Variants in MIPOL1 observed in about 807,000 individuals in gnomAD.
MIPOL1 encodes the protein mirror-image polydactyly gene 1 protein.
MIPOL1 carries 57 observed loss-of-function variants against 60.9 expected under a neutral mutation model. The ratio of observed to expected loss-of-function variants is 0.94; its 90% CI spans 0.76 to 1.17. The LOEUF (loss-of-function observed/expected upper bound fraction) is 1.17, where lower values mean the gene tolerates loss of function less well. Ranked by LOEUF, MIPOL1 falls within the 50% of genes most tolerant of loss-of-function variation. The pLI is 0.00. For synonymous variants in MIPOL1, 179 were observed against 168.8 expected (o/e 1.06, Z -0.47); for missense variants, 551 against 511.6 (o/e 1.08, Z -0.74).
At chr14:37,256,099 G>C (rs964153717) in intron 3 of MIPOL1, among the ~76,000 whole-genome samples, 7 of 151,796 alleles carry the variant, frequency 4.6e-5, no homozygotes, top group Non-Finnish European at 7.4e-5. Flanking sequence ...AACAAACAAT[G>C]TTCATTGATG....
At chr14:37,338,842 G>A (rs1487845361) in intron 9 of MIPOL1, among the ~76,000 whole-genome samples, 1 of 152,142 alleles carries the variant, frequency 6.6e-6, no homozygotes, top group East Asian at 1.9e-4. Flanking sequence ...AGTCAAAATG[G>A]CTTATAGACC....
intron 12 of MIPOL1, among the ~76,000 whole-genome samples, chr14:37,537,007 T>C (rs891571822): frequency 2.6e-5 from 4 of 152,174 alleles, no homozygotes; most frequent in Non-Finnish European, 5.9e-5. Context: ...GTTGGCTTTT[T>C]TGCTGAAATG....
At chr14:37,268,586 T>C (rs902198347) in intron 4 of MIPOL1, 72 bp from the exon 5 acceptor site, 2 of 1,172,318 alleles carry the variant, frequency 1.7e-6, no homozygotes, top group Non-Finnish European at 2.4e-6. Context: ...GATACTGTTC[T>C]CAAGTAGCAT....
At chr14:37,433,737 G>A (rs1405466812) in intron 11 of MIPOL1, among the ~76,000 whole-genome samples, 1 of 151,976 alleles carries the variant, frequency 6.6e-6, no homozygotes, top group Non-Finnish European at 1.5e-5. Flanking sequence ...TGTATTTTTA[G>A]TAGAGACGGG....
intron 9 of MIPOL1, among the ~76,000 whole-genome samples, chr14:37,316,748 G>A (rs1349593548): frequency 1.3e-5 from 2 of 152,016 alleles, no homozygotes; most frequent in South Asian, 2.1e-4. Context: ...AGGGCAAGGC[G>A]GGTGGATGAC....
At chr14:37,499,350 G>A (rs770766405) in intron 11 of MIPOL1, among the ~76,000 whole-genome samples, 2 of 152,054 alleles carry the variant, frequency 1.3e-5, no homozygotes, top group African/African-American at 2.4e-5. Context: ...ATATACACAT[G>A]TATATATGAA....
intron 11 of MIPOL1, among the ~76,000 whole-genome samples, chr14:37,448,250 C>G (rs2094366717): frequency 6.6e-6 from 1 of 152,190 alleles, no homozygotes; most frequent in East Asian, 1.9e-4. Context: ...AGTCTCTGCA[C>G]TATAGCACTA....
intron 12 of MIPOL1, chr14:37,507,454 G>A (rs2095288257): frequency 6.6e-6 from 1 of 152,192 alleles, no homozygotes; most frequent in Non-Finnish European, 1.5e-5. Context: ...GTACTTTGCA[G>A]GGAGATCAGT....
intron 11 of MIPOL1, among the ~76,000 whole-genome samples, chr14:37,424,020 T>C (rs1326694382): frequency 2.0e-5 from 3 of 152,184 alleles, no homozygotes; most frequent in African/African-American, 4.8e-5. Context: ...ACCACTGATA[T>C]TACTACTGCA....
At chr14:37,339,347 G>T (rs2090412326) in intron 9 of MIPOL1, among the ~76,000 whole-genome samples, 1 of 152,204 alleles carries the variant, frequency 6.6e-6, no homozygotes, top group Admixed American at 6.5e-5. Flanking sequence ...CTCATCCATT[G>T]CTAATGGGAG....
chr14:37,544,222 A>C (rs1419884073), intron 12 of MIPOL1, among the ~76,000 whole-genome samples: 2 of 152,180 alleles, frequency 1.3e-5, no homozygotes, highest in Non-Finnish European at 2.9e-5. Context: ...ACAAAACAAC[A>C]ACCATAGTGA....
rs539379569 is a variant in MIPOL1 at position 37,523,706 on chromosome 14, C to T, written c.1263-23199C>T. ...ACTGTGTTAGGCACTGATGAACAAACTCAAACTGTATCTTGACCTCACTGT... is the reference window on the plus strand; with the variant it reads ...ACTGTGTTAGGCACTGATGAACAAATTCAAACTGTATCTTGACCTCACTGT... On this transcript the variant is annotated intron_variant, in intron 12 of 12. Transcript: ENST00000684589. 1.5e-4 allele frequency: 52 copies of T among 336,054 alleles called. No individual in the cohort carries two copies. The Admixed American group carries it at 2.4e-3, about 16-fold the overall frequency. The allele number at this position is 336,054 out of a possible 1,614,324, so 20.8% of individuals were successfully genotyped here.
intron 9 of MIPOL1, among the ~76,000 whole-genome samples, chr14:37,359,414 A>C (rs1180192119): frequency 1.3e-5 from 2 of 152,182 alleles, no homozygotes; most frequent in Non-Finnish European, 2.9e-5. Context: ...GAATCTATAA[A>C]TTACCTTGGG....
intron 7 of MIPOL1, among the ~76,000 whole-genome samples, chr14:37,299,618 T>C (rs971327058): frequency 6.6e-6 from 1 of 152,068 alleles, no homozygotes; most frequent in Non-Finnish European, 1.5e-5. Flanking sequence ...TTTTAAAAAG[T>C]GTAGAATAGT....
intron 12 of MIPOL1, among the ~76,000 whole-genome samples, chr14:37,521,728 C>T (rs1036684617): frequency 2.6e-5 from 4 of 151,848 alleles, no homozygotes; most frequent in Non-Finnish European, 5.9e-5. Context: ...CATTTGTGGG[C>T]TCTCAGAAGT....
chr14:37,422,782 G>A, intron 10 of MIPOL1, 73 bp from the exon 11 acceptor site: 1 of 945,058 alleles, frequency 1.1e-6, no homozygotes, highest in Middle Eastern at 2.6e-4. Context: ...TAAGACTACT[G>A]TTCTTACCGT....
intron 7 of MIPOL1, among the ~76,000 whole-genome samples, chr14:37,299,395 A>C (rs1436692650): frequency 6.6e-6 from 1 of 152,084 alleles, no homozygotes; most frequent in Non-Finnish European, 1.5e-5. Context: ...CATATGTAAC[A>C]AACCTGCACG....
In MIPOL1 at chr14:37,491,606, T is replaced by C. The variant is rs144198052; in HGVS notation, c.1032-8302T>C. On this transcript the variant is annotated intron_variant, in intron 11 of 12. Coordinates refer to ENST00000684589, the MANE Select transcript of MIPOL1 (RefSeq NM_001388067.1). Reference sequence around the variant, plus strand: ...GTATAGGTTGTTACATTTCTAAACATGAATTCAACAGATATTTAGTGAAAC... The same window carrying C: ...GTATAGGTTGTTACATTTCTAAACACGAATTCAACAGATATTTAGTGAAAC... Among the ~76,000 whole-genome samples, 463 of 152,316 alleles carry C rather than the reference T, an allele frequency of 3.0e-3. 3 individuals carry two copies. Among genetic ancestry groups the C allele is most frequent in the African/African-American group, 0.01 (429 of 41,570 alleles).
At chr14:37,323,318 A>G (rs892286070) in intron 9 of MIPOL1, among the ~76,000 whole-genome samples, 11 of 151,702 alleles carry the variant, frequency 7.3e-5, no homozygotes, top group Admixed American at 4.6e-4. Flanking sequence ...GGCCTCTGTT[A>G]TGTTCCATTG....
Sources: gnomAD v4.1 joint callset for allele counts (sites outside exome capture counted in the v4.1 genomes callset) on GRCh38, gnomAD v4.1.1 for gene constraint, MANE v1.5 for transcripts, NCBI Gene and HGNC (gene_info 2026-07-23, HGNC 2026-07-21) for gene names.